Variants in HERC6 observed in about 807,000 individuals in gnomAD.
HERC6 encodes the protein probable E3 ubiquitin-protein ligase HERC6.
In HERC6, 101 loss-of-function variants were observed where a neutral mutation model predicts 114.5. That is an observed-to-expected ratio of 0.88 (90% CI 0.75 to 1.04). The LOEUF is 1.04. Ranked by LOEUF, HERC6 falls within the 50% of genes least tolerant of loss-of-function variation. The pLI is 0.00. For missense variants in HERC6, 1,133 were observed against 1,230.9 expected, an observed-to-expected ratio of 0.92 and a Z score of 1.19; for synonymous variants, 408 against 436.2, an observed-to-expected ratio of 0.94 and a Z score of 0.81.
chr4:88,400,765 A>G (rs991132335), intron 8 of HERC6, among the ~76,000 whole-genome samples: 1 of 152,214 alleles, frequency 6.6e-6, no homozygotes, highest in Non-Finnish European at 1.5e-5. Flanking sequence ...AATTGTTATA[A>G]TTGTTTCATT....
At chr4:88,432,087 T>G (rs540837476) in intron 17 of HERC6, among the ~76,000 whole-genome samples, 1 of 152,312 alleles carries the variant, frequency 6.6e-6, no homozygotes, top group South Asian at 2.1e-4. Flanking sequence ...TTGGAAACTT[T>G]TTGAGTGCCA....
intron 1 of HERC6, 93 bp from the exon 2 acceptor site, chr4:88,383,128 T>C: frequency 6.8e-7 from 1 of 1,477,494 alleles, no homozygotes. Flanking sequence ...ATCTGGATGA[T>C]CCTTCTTTTT....
At position 88,417,444 on chromosome 4, in the gene HERC6, G is replaced by A; in HGVS notation, c.1578G>A (p.Leu526=). Residue 526 remains leucine, a synonymous_variant, in exon 13 of 23, where the codon TTG becomes TTA. Transcript: ENST00000264346. ...LQVLKKCWAF[L]QESSLNPLIQ... ...CCCCAGAGAAGTGTTGGGCATTTTTGCAAGAATCTTCTCTGAATCCGCTGA... is the reference window on the plus strand; with the variant it reads ...CCCCAGAGAAGTGTTGGGCATTTTTACAAGAATCTTCTCTGAATCCGCTGA... The A allele has an allele frequency of 4.3e-6, 7 of 1,609,670 alleles. No individual in the cohort carries two copies. Among genetic ancestry groups the A allele is most frequent in the Non-Finnish European group, 5.9e-6 (7 of 1,177,898 alleles).
At chr4:88,382,981 C>T (rs1010885284) in intron 1 of HERC6, among the ~76,000 whole-genome samples, 2 of 152,142 alleles carry the variant, frequency 1.3e-5, no homozygotes, top group Non-Finnish European at 2.9e-5. Flanking sequence ...CCATCTCAAC[C>T]TGATAGTCTC....
At chr4:88,390,606 G>T (rs1273887986) in intron 3 of HERC6, 46 bp from the exon 4 acceptor site, 1 of 1,441,792 alleles carries the variant, frequency 6.9e-7, no homozygotes, top group Non-Finnish European at 9.4e-7. Context: ...TTTGAATTTG[G>T]TATTCTAATA....
chr4:88,402,793 G>T (rs1397830537), intron 8 of HERC6, among the ~76,000 whole-genome samples: 1 of 152,156 alleles, frequency 6.6e-6, no homozygotes, highest in Non-Finnish European at 1.5e-5. Context: ...TTTTGAAGCA[G>T]AAAATGAAGA....
rs183536517 is a variant in HERC6, at chr4:88,397,145, T to C, written c.1024+158T>C. Among the ~76,000 whole-genome samples the C allele has an allele frequency of 3.3e-3, 504 of 152,024 alleles. 3 individuals are homozygous for C. Among genetic ancestry groups the C allele is most frequent in the Non-Finnish European group, 5.3e-3 (362 of 67,984 alleles). On this transcript the variant is annotated intron_variant, in intron 7 of 22. Coordinates refer to ENST00000264346, the MANE Select transcript of HERC6 (RefSeq NM_017912.4). ...ATTTTTTTTTGAGATGGAGTTTCGCTCTTGTTGCCCAGGCTGGAGTGCAAT... is the reference window on the plus strand; with the variant it reads ...ATTTTTTTTTGAGATGGAGTTTCGCCCTTGTTGCCCAGGCTGGAGTGCAAT...
rs114241175 is a variant in HERC6 at position 88,440,677 on chromosome 4, T to C, written c.2842+427T>C. 851 of 154,564 alleles carry C rather than the reference T, an allele frequency of 5.5e-3. 10 individuals carry two copies. Among genetic ancestry groups the C allele is most frequent in the African/African-American group, 0.02 (813 of 41,616 alleles). The allele number at this position is 154,564 out of a possible 1,614,324, so 9.6% of individuals were successfully genotyped here. Reference sequence around the variant, plus strand: ...GTAGCTACTCCATGGTGCTTCTTTCTTACTGTGCATGTGCTAAAAAAGGGG... The same window carrying C: ...GTAGCTACTCCATGGTGCTTCTTTCCTACTGTGCATGTGCTAAAAAAGGGG... On this transcript the variant is annotated intron_variant, in intron 22 of 22. Coordinates refer to ENST00000264346, the MANE Select transcript of HERC6 (RefSeq NM_017912.4).
rs1410854591 is a variant in HERC6 at position 88,396,005 on chromosome 4, T to G, written c.760-10T>G. ...CCTGAAATTAATTTGATTCTTCCTT[T>G]GCTAAGCAGGACGGGAAAGTGTTCA... On this transcript the variant is annotated splice_polypyrimidine_tract_variant and intron_variant, in intron 5 of 22. Coordinates refer to ENST00000264346, the MANE Select transcript of HERC6 (RefSeq NM_017912.4). 6.4e-7 allele frequency: 1 copy of G among 1,572,536 alleles called. No individual in the cohort carries two copies. Among genetic ancestry groups the G allele is most frequent in the East Asian group, 2.3e-5 (1 of 42,900 alleles).
At position 88,397,030 on chromosome 4, in the gene HERC6, A is replaced by T. The variant is rs1578379740; in HGVS notation, c.1024+43A>T. On this transcript the variant is annotated intron_variant, in intron 7 of 22. Coordinates refer to ENST00000264346, the MANE Select transcript of HERC6 (RefSeq NM_017912.4). ...TCATGATTTTGTGTTCATCAATGCC[A>T]CTGGAAGAGAACTAGTATTCAGCTT... 1.0e-5 allele frequency: 16 copies of T among 1,569,932 alleles called. No homozygotes were observed. In the East Asian group the frequency reaches 3.6e-4, roughly 36 times the overall value.
chr4:88,392,371 A>G (rs1027463960), intron 4 of HERC6, among the ~76,000 whole-genome samples: 11 of 150,778 alleles, frequency 7.3e-5, no homozygotes, highest in African/African-American at 2.7e-4. Flanking sequence ...TTCTAGGTCA[A>G]TAGCCTTGGG....
chr4:88,380,850 C>A (rs1734278206), intron 1 of HERC6, among the ~76,000 whole-genome samples: 1 of 151,892 alleles, frequency 6.6e-6, no homozygotes, highest in Non-Finnish European at 1.5e-5. Flanking sequence ...CATTTTGATG[C>A]ATTTTCTCCT....
chr4:88,430,820 A>T (rs569025208), intron 16 of HERC6, among the ~76,000 whole-genome samples: 1 of 152,250 alleles, frequency 6.6e-6, no homozygotes, highest in East Asian at 1.9e-4. Context: ...AACAAGATAG[A>T]ATAATCAGGG....
chr4:88,390,262 G>A (rs1293592591), intron 3 of HERC6, among the ~76,000 whole-genome samples: 1 of 151,960 alleles, frequency 6.6e-6, no homozygotes, highest in Non-Finnish European at 1.5e-5. Flanking sequence ...TGGGGGTTGG[G>A]GGGAAATCAG....
chr4:88,429,863 T>C (rs534989233), intron 16 of HERC6, among the ~76,000 whole-genome samples: 2 of 152,156 alleles, frequency 1.3e-5, no homozygotes, highest in Non-Finnish European at 2.9e-5. Context: ...ATTCCCCTTA[T>C]GAGAGATGAC....
rs1735781513 is a variant in HERC6, at chr4:88,405,614, G to T, written c.1274+1G>T. The T allele has an allele frequency of 6.8e-7, 1 of 1,463,688 alleles. No individual in the cohort carries two copies. The highest frequency in any genetic ancestry group is 9.4e-7 in the Non-Finnish European group (1 of 1,066,878). 90.7% of individuals were successfully genotyped at this position (1,463,688 alleles called of 1,614,324 possible). A position where few individuals can be genotyped will look rare whatever the true frequency, so the allele number is the denominator to read the frequency against. On this transcript the variant is annotated splice_donor_variant, in intron 10 of 22. Transcript: ENST00000264346. LOFTEE classifies it high-confidence loss of function. ...TGACTGCAAGTTTTTTAAAGAAAAGGTAATACTTACATAAGATTTACCTTC... is the reference window on the plus strand; with the variant it reads ...TGACTGCAAGTTTTTTAAAGAAAAGTTAATACTTACATAAGATTTACCTTC...
chr4:88,433,727 C>T (rs1317293730), intron 17 of HERC6, among the ~76,000 whole-genome samples: 4 of 152,124 alleles, frequency 2.6e-5, no homozygotes, highest in Non-Finnish European at 1.5e-5. Context: ...TATAAATTAC[C>T]CGGTTTCAGA....
intron 10 of HERC6, among the ~76,000 whole-genome samples, chr4:88,408,196 G>T (rs907357478): frequency 1.3e-5 from 2 of 152,048 alleles, no homozygotes; most frequent in African/African-American, 4.8e-5. Context: ...AGGGTGGGGG[G>T]TAGGTAGTTC....
In HERC6 at chr4:88,431,205, G is replaced by C. The variant is rs369637827; in HGVS notation, c.2150G>C (p.Ser717Thr). 7 of 1,613,250 alleles carry C rather than the reference G, an allele frequency of 4.3e-6. No individual in the cohort carries two copies. In the African/African-American group the frequency reaches 8.0e-5, roughly 18 times the overall value. Residue 717 changes from serine to threonine, a missense_variant, in exon 17 of 23, where the codon AGT becomes ACT. Around this residue, in one of 3 missense-constraint regions of HERC6, gnomAD observed 388 missense variants for 445.9 expected, o/e 0.87. Transcript: ENST00000264346. The part of the protein sequence containing the change: ...NEICPESGGV[S>T]SEFFHCMFEE... The stretch of plus-strand genomic sequence containing the variant: ...ATTTGTCCTGAGTCTGGAGGGGTTA[G>C]TTCAGAGTTCTTCCACTGTATGTTT...
Sources: allele counts gnomAD v4.1 joint callset (sites outside exome capture counted in the v4.1 genomes callset), GRCh38; gene constraint gnomAD v4.1.1; regional missense constraint gnomAD v4.1.1; transcripts MANE v1.5; gene names NCBI Gene and HGNC (gene_info 2026-07-23, HGNC 2026-07-21).